The following LYZL1 variants were observed in gnomAD, a reference collection of about 807,000 sequenced individuals.
LYZL1 encodes lysozyme like 1.
In LYZL1, 16 loss-of-function variants were observed where a neutral mutation model predicts 17.9. That is an observed-to-expected ratio of 0.90 (90% CI 0.61 to 1.36). The LOEUF (loss-of-function observed/expected upper bound fraction) is 1.36, where lower values mean the gene tolerates loss of function less well. Among genes scored for constraint, LYZL1 ranks in the 40% most tolerant of loss-of-function variants. The pLI, the probability that LYZL1 is intolerant of heterozygous loss-of-function variation, is 0.00. For synonymous variants in LYZL1, 58 were observed against 71.8 expected (o/e 0.81, Z 0.97); for missense variants, 149 against 188.4 (o/e 0.79, Z 1.22).
At chr10:29,309,636 A>G (rs1835643843) in intron 3 of LYZL1, among the ~76,000 whole-genome samples, 1 of 152,058 alleles carries the variant, frequency 6.6e-6, no homozygotes, top group African/African-American at 2.4e-5. Context: ...AGTTGGGACT[A>G]GAGGTGTACA....
chr10:29,295,062 A>G (rs1271707887), intron 3 of LYZL1, among the ~76,000 whole-genome samples: 1 of 152,256 alleles, frequency 6.6e-6, no homozygotes, highest in Non-Finnish European at 1.5e-5. Context: ...ACTATTGTAC[A>G]AGATAATCAG....
chr10:29,291,035 T>C (rs1175291484), intron 1 of LYZL1, among the ~76,000 whole-genome samples: 1 of 151,818 alleles, frequency 6.6e-6, no homozygotes, highest in Non-Finnish European at 1.5e-5. Flanking sequence ...TGTCTGTTTC[T>C]ACACATCCAG....
chr10:29,291,403 G>A (rs1457866872), intron 1 of LYZL1, among the ~76,000 whole-genome samples: 3 of 151,912 alleles, frequency 2.0e-5, no homozygotes, highest in African/African-American at 7.3e-5. Context: ...TGGTCTTGCT[G>A]TCTCGGGGTG....
chr10:29,308,315 G>T (rs567804506), intron 3 of LYZL1, among the ~76,000 whole-genome samples: 4 of 152,210 alleles, frequency 2.6e-5, no homozygotes, highest in African/African-American at 9.7e-5. Flanking sequence ...CCCGACTTGG[G>T]CCACTCTGAT....
chr10:29,313,175 G>T (rs1229851176), downstream of LYZL1, among the ~76,000 whole-genome samples: 1 of 152,106 alleles, frequency 6.6e-6, no homozygotes, highest in Non-Finnish European at 1.5e-5. Context: ...AATTTAACAG[G>T]CATTATAAAC....
In LYZL1 at chr10:29,311,072, C is replaced by A. The variant is rs1343908804; in HGVS notation, c.*13C>A. Reference sequence around the variant, plus strand: ...TGAGGTTTCCTAAACTGGAACTGGACCCAGGATGCTTTGCAGCAACGCCCT... The same window carrying A: ...TGAGGTTTCCTAAACTGGAACTGGAACCAGGATGCTTTGCAGCAACGCCCT... On this transcript the variant is annotated 3_prime_UTR_variant, in exon 5 of 5. Transcript: ENST00000649382. The A allele has an allele frequency of 6.2e-7, 1 of 1,614,036 alleles. No homozygotes were observed. The highest frequency in any genetic ancestry group is 8.5e-7 in the Non-Finnish European group (1 of 1,180,022).
intron 1 of LYZL1, among the ~76,000 whole-genome samples, chr10:29,290,344 T>G (rs59484839): frequency 0.036 from 5,471 of 152,230 alleles, 129 homozygotes; most frequent in South Asian, 0.084. Context: ...AGGAGACAGC[T>G]CTCTTGATCC....
At chr10:29,296,946 CA>C (rs1032515983) in intron 3 of LYZL1, among the ~76,000 whole-genome samples, 2 of 151,940 alleles carry the variant, frequency 1.3e-5, no homozygotes, top group African/African-American at 4.8e-5. Flanking sequence ...AAAAATGAAG[CA>C]AAAACCAAAC....
At position 29,306,407 on chromosome 10, in the gene LYZL1, G is replaced by A. The variant is rs554721743; in HGVS notation, c.299-3703G>A. Reference sequence around the variant, plus strand: ...CTACTAAAAATACAAAAAATTAGCCGGGCGTAGTGGCGGGCGCCTGTAGTC... The same window carrying A: ...CTACTAAAAATACAAAAAATTAGCCAGGCGTAGTGGCGGGCGCCTGTAGTC... On this transcript the variant is annotated intron_variant, in intron 3 of 4. Transcript: ENST00000649382. Among the ~76,000 whole-genome samples, 9 of 147,068 alleles carry A rather than the reference G, an allele frequency of 6.1e-5. 1 individual carries two copies. Among genetic ancestry groups the A allele is most frequent in the Non-Finnish European group, 1.1e-4 (7 of 66,652 alleles).
chr10:29,302,442 T>C (rs950675099), intron 3 of LYZL1, among the ~76,000 whole-genome samples: 18 of 151,874 alleles, frequency 1.2e-4, no homozygotes, highest in African/African-American at 4.1e-4. Context: ...TTTAATGGAG[T>C]CTTCCATGAT....
intron 3 of LYZL1, among the ~76,000 whole-genome samples, chr10:29,316,759 TAG>T (rs979195997): frequency 6.7e-6 from 1 of 149,452 alleles, no homozygotes; most frequent in African/African-American, 2.5e-5. Context: ...GTCACCAGGC[TAG>T]GCTAGAGTGC....
At chr10:29,310,008 C>T in intron 3 of LYZL1, 102 bp from the exon 4 acceptor site, 1 of 785,154 alleles carries the variant, frequency 1.3e-6, no homozygotes, top group Non-Finnish European at 2.1e-6. Flanking sequence ...TCTTCCAACC[C>T]TCTTGATCCA....
intron 3 of LYZL1, among the ~76,000 whole-genome samples, chr10:29,293,122 C>CTTTTTTTTTTTTTTTT (rs1451187937): frequency 1.0e-5 from 1 of 96,848 alleles, no homozygotes; most frequent in Non-Finnish European, 2.4e-5. Context: ...TTTTTCTTTT[C>CTTTTTTTTTTTTTTTT]TTTTCTTTTT....
chr10:29,308,691 C>A (rs1835630437), intron 3 of LYZL1, among the ~76,000 whole-genome samples: 1 of 152,236 alleles, frequency 6.6e-6, no homozygotes. Context: ...TGGCCAGGCA[C>A]AGTGCTGGCT....
At chr10:29,300,390 CAT>C (rs1311870428) in intron 3 of LYZL1, among the ~76,000 whole-genome samples, 1 of 152,166 alleles carries the variant, frequency 6.6e-6, no homozygotes, top group East Asian at 1.9e-4. Context: ...TCATATATAA[CAT>C]ATGAGTTTCT....
chr10:29,311,606 C>T (rs1249672568), downstream of LYZL1, among the ~76,000 whole-genome samples: 1 of 152,182 alleles, frequency 6.6e-6, no homozygotes, highest in Admixed American at 6.5e-5. Flanking sequence ...TATTGAAATT[C>T]TCATAAAAGT....
At chr10:29,297,967 A>G (rs1835468670) in intron 3 of LYZL1, among the ~76,000 whole-genome samples, 1 of 152,246 alleles carries the variant, frequency 6.6e-6, no homozygotes, top group African/African-American at 2.4e-5. Flanking sequence ...CATTTCCACT[A>G]TAAAATTCTG....
At chr10:29,294,838 T>C (rs966061813) in intron 3 of LYZL1, among the ~76,000 whole-genome samples, 1 of 152,206 alleles carries the variant, frequency 6.6e-6, no homozygotes, top group Non-Finnish European at 1.5e-5. Flanking sequence ...TGATTTTTCC[T>C]GTACATAGAT....
chr10:29,313,726 C>T (rs1835698797), downstream of LYZL1, among the ~76,000 whole-genome samples: 1 of 152,168 alleles, frequency 6.6e-6, no homozygotes, highest in African/African-American at 2.4e-5. Flanking sequence ...TACTTCTATG[C>T]CTGAGTTATC....
Sources: gnomAD v4.1 joint callset for allele counts (sites outside exome capture counted in the v4.1 genomes callset) on GRCh38, gnomAD v4.1.1 for gene constraint, MANE v1.5 for transcripts, NCBI Gene and HGNC (gene_info 2026-07-23, HGNC 2026-07-21) for gene names.